The following TMEM132D variants were observed in gnomAD, a reference collection of about 807,000 sequenced individuals.
TMEM132D encodes transmembrane protein 132D.
Under a neutral mutation model 62.3 loss-of-function variants are expected in TMEM132D, and 21 were observed. The ratio of observed to expected loss-of-function variants is 0.34; its 90% CI spans 0.24 to 0.49. TMEM132D has a LOEUF of 0.49. Ranked by LOEUF, TMEM132D falls within the 20% of genes least tolerant of loss-of-function variation. The probability of loss-of-function intolerance (pLI) is 0.99; values close to 1 mark genes in which losing one functional copy is unlikely to be tolerated. For missense variants in TMEM132D, 1,346 were observed against 1,402.8 expected (o/e 0.96, Z 0.65); for synonymous variants, 621 against 575.6 (o/e 1.08, Z -1.13).
chr12:129,081,398 G>A (rs545374130), intron 7 of TMEM132D, among the ~76,000 whole-genome samples: 31 of 152,208 alleles, frequency 2.0e-4, no homozygotes, highest in East Asian at 1.4e-3. Context: ...TCCCAGGCCC[G>A]AGCGATCCTT....
chr12:129,598,006 A>C (rs2137140331), intron 2 of TMEM132D, among the ~76,000 whole-genome samples: 1 of 152,334 alleles, frequency 6.6e-6, no homozygotes, highest in South Asian at 2.1e-4. Flanking sequence ...AAATAGAAGA[A>C]GAAATTCTAA....
chr12:129,454,357 G>C (rs772659122), intron 3 of TMEM132D, among the ~76,000 whole-genome samples: 1 of 152,060 alleles, frequency 6.6e-6, no homozygotes, highest in Non-Finnish European at 1.5e-5. Context: ...TGACAGATGT[G>C]GGAACCAAAG....
At chr12:129,151,201 C>T (rs1318256759) in intron 5 of TMEM132D, among the ~76,000 whole-genome samples, 1 of 152,168 alleles carries the variant, frequency 6.6e-6, no homozygotes, top group Non-Finnish European at 1.5e-5. Context: ...TGAACACAGC[C>T]TGCCTCTGCC....
chr12:129,122,173 T>C (rs983350916), intron 5 of TMEM132D, among the ~76,000 whole-genome samples: 1 of 152,234 alleles, frequency 6.6e-6, no homozygotes, highest in Non-Finnish European at 1.5e-5. Context: ...ACTGTAAATT[T>C]AGCATGTGGG....
chr12:129,169,638 C>T (rs1366040243), intron 5 of TMEM132D, among the ~76,000 whole-genome samples: 2 of 152,146 alleles, frequency 1.3e-5, no homozygotes, highest in Admixed American at 6.5e-5. Flanking sequence ...GCTACTTCAT[C>T]GATTTTTTTG....
intron 2 of TMEM132D, among the ~76,000 whole-genome samples, chr12:129,616,006 C>T (rs1878907032): frequency 6.6e-6 from 1 of 152,104 alleles, no homozygotes; most frequent in Non-Finnish European, 1.5e-5. Flanking sequence ...TTTGAAGAAA[C>T]AGACCACTAA....
chr12:129,425,761 C>A (rs964642012), intron 3 of TMEM132D, among the ~76,000 whole-genome samples: 3 of 152,168 alleles, frequency 2.0e-5, no homozygotes, highest in African/African-American at 7.2e-5. Flanking sequence ...GAGGTCATTA[C>A]CTGCTTCATT....
At chr12:129,875,296 G>A (rs960309822) in intron 1 of TMEM132D, among the ~76,000 whole-genome samples, 13 of 152,192 alleles carry the variant, frequency 8.5e-5, no homozygotes, top group South Asian at 4.1e-4. Flanking sequence ...GCTGATGTCC[G>A]ATGGCCTCAC....
At chr12:129,747,177 T>TCTCCTTTTCCCTCCTCCCG (rs1555229143) in intron 1 of TMEM132D, among the ~76,000 whole-genome samples, 1 of 132,088 alleles carries the variant, frequency 7.6e-6, no homozygotes, top group African/African-American at 2.8e-5. Flanking sequence ...GTCCAATAGC[T>TCTCCTTTTCCCTCCTCCCG]CTCCTTCTCC....
At chr12:129,799,255 TG>T (rs1232257415) in intron 1 of TMEM132D, among the ~76,000 whole-genome samples, 1 of 151,934 alleles carries the variant, frequency 6.6e-6, no homozygotes, top group East Asian at 1.9e-4. Flanking sequence ...CACTCCACCC[TG>T]GGCAACAAGA....
intron 2 of TMEM132D, among the ~76,000 whole-genome samples, chr12:129,640,661 GAC>G (rs1174326866): frequency 6.6e-6 from 1 of 152,156 alleles, no homozygotes; most frequent in Non-Finnish European, 1.5e-5. Context: ...CCCCCACTGT[GAC>G]ACACAGACAT....
At chr12:129,864,067 T>C (rs926063678) in intron 1 of TMEM132D, among the ~76,000 whole-genome samples, 1 of 152,168 alleles carries the variant, frequency 6.6e-6, no homozygotes, top group Non-Finnish European at 1.5e-5. Flanking sequence ...GATGACAGAA[T>C]GTGAGTTCCA....
At chr12:129,209,420 C>T in intron 5 of TMEM132D, 100 bp downstream of exon 5, 1 of 1,429,142 alleles carries the variant, frequency 7.0e-7, no homozygotes, top group African/African-American at 1.4e-5. Flanking sequence ...TCCTGTGGGA[C>T]CCAGAGGTCC....
rs142302981 is a variant in TMEM132D, at chr12:129,620,530, C to T, written c.968+79280G>A. ...TTGAGAATCACTTGAACCCGGGAGG[C>T]GGAGGTTGCAGTCAGCTAAGATTGG... On this transcript the variant is annotated intron_variant, in intron 2 of 8. Transcript: ENST00000422113. 1.6e-3 allele frequency among the ~76,000 whole-genome samples: 242 copies of T among 152,246 alleles called. 3 individuals carry two copies. The East Asian group carries it at 0.04, about 25-fold the overall frequency.
intron 1 of TMEM132D, chr12:129,840,567 A>G (rs1873160504): frequency 1.3e-5 from 2 of 152,242 alleles, no homozygotes; most frequent in Admixed American, 6.5e-5. Flanking sequence ...ATATTTATGT[A>G]TCTATCTTTT....
rs183593069 is a variant in TMEM132D at position 129,158,664 on chromosome 12, A to G, written c.1443+50856T>C. Among the ~76,000 whole-genome samples the G allele has an allele frequency of 3.8e-3, 580 of 152,356 alleles. 5 individuals are homozygous for G. Among genetic ancestry groups the G allele is most frequent in the African/African-American group, 0.013 (553 of 41,588 alleles). On this transcript the variant is annotated intron_variant, in intron 5 of 8. Transcript: ENST00000422113. ...GTGTTGCCAGAGGAAGAGCAGCCAC[A>G]TGAAGAAAGTTAGGAGAAACACTGG...
At chr12:129,194,321 G>C (rs528265410) in intron 5 of TMEM132D, among the ~76,000 whole-genome samples, 38 of 152,306 alleles carry the variant, frequency 2.5e-4, no homozygotes, top group Non-Finnish European at 4.9e-4. Flanking sequence ...TGGACTGACA[G>C]AGCCATCTGA....
At chr12:129,240,149 A>T (rs1188949795) in intron 4 of TMEM132D, among the ~76,000 whole-genome samples, 1 of 152,190 alleles carries the variant, frequency 6.6e-6, no homozygotes, top group Non-Finnish European at 1.5e-5. Flanking sequence ...AACAGCAATG[A>T]GCAGTAATCC....
intron 2 of TMEM132D, among the ~76,000 whole-genome samples, chr12:129,542,080 T>C (rs531822935): frequency 1.1e-4 from 16 of 152,216 alleles, no homozygotes; most frequent in African/African-American, 3.9e-4. Context: ...TGTAGCCAAG[T>C]CAATCACCTC....
Sources: allele counts gnomAD v4.1 joint callset (sites outside exome capture counted in the v4.1 genomes callset), GRCh38; gene constraint gnomAD v4.1.1; transcripts MANE v1.5; gene names NCBI Gene and HGNC (gene_info 2026-07-23, HGNC 2026-07-21).